The following BMX variants were observed in gnomAD, a reference collection of about 807,000 sequenced individuals.
BMX encodes BMX non-receptor tyrosine kinase, also known as cytoplasmic tyrosine-protein kinase BMX.
A neutral mutation model predicts 59.2 loss-of-function variants in BMX; 31 were observed. The ratio of observed to expected loss-of-function variants is 0.52; its 90% CI spans 0.39 to 0.71. The LOEUF is 0.71. BMX is among the 30% of genes least tolerant of loss of function. BMX has a pLI of 0.00. For missense variants in BMX, 474 were observed against 491.7 expected (o/e 0.96, Z 0.34); for synonymous variants, 185 against 181.0 (o/e 1.02, Z -0.18).
At chrX:15,521,572 T>C (rs928640808) in intron 6 of BMX, among the ~76,000 whole-genome samples, 53 of 111,748 alleles carry the variant, frequency 4.7e-4, no homozygotes, top group Non-Finnish European at 6.2e-4. Context: ...TTAGGGAAGA[T>C]TCTGTTTCCT....
intron 16 of BMX, among the ~76,000 whole-genome samples, chrX:15,544,859 T>C (rs1289602464): frequency 9.0e-6 from 1 of 111,366 alleles, no homozygotes; most frequent in Non-Finnish European, 1.9e-5. Context: ...TTTATTAATA[T>C]TATTGTTAAT....
chrX:15,518,838 C>T (rs769451448), intron 6 of BMX, among the ~76,000 whole-genome samples: 20 of 111,444 alleles, frequency 1.8e-4, no homozygotes, highest in African/African-American at 5.5e-4. Context: ...TCATGGGAGA[C>T]TTTTAGGAAT....
At chrX:15,549,429 G>A (rs966277500) in intron 17 of BMX, among the ~76,000 whole-genome samples, 7 of 112,024 alleles carry the variant, frequency 6.2e-5, no homozygotes, top group South Asian at 3.7e-4. Flanking sequence ...GCCGAGAGAC[G>A]GAATGGGTGA....
chrX:15,552,329 A>G (rs1926237495), intron 18 of BMX, among the ~76,000 whole-genome samples: 1 of 111,961 alleles, frequency 8.9e-6, no homozygotes, highest in Admixed American at 9.5e-5. Context: ...ATAGCCAGCC[A>G]GGGTCACCCT....
intron 17 of BMX, among the ~76,000 whole-genome samples, chrX:15,549,636 G>A (rs189680656): frequency 2.7e-5 from 3 of 111,859 alleles, no homozygotes; most frequent in African/African-American, 9.7e-5. Context: ...GGGAACATGG[G>A]GAAGAAACCC....
chrX:15,532,434 G>A (rs1193105841), intron 11 of BMX, among the ~76,000 whole-genome samples: 2 of 111,712 alleles, frequency 1.8e-5, no homozygotes, highest in Non-Finnish European at 3.8e-5. Flanking sequence ...CCTACCTGGA[G>A]CTACTAAGTG....
rs914976375 is a variant in BMX, at chrX:15,509,496, C to T, written c.243+63C>T. 17 of 686,616 alleles carry T rather than the reference C, an allele frequency of 2.5e-5. No homozygotes were observed. In the Admixed American group the frequency reaches 5.9e-4, roughly 24 times the overall value. 56.6% of individuals were successfully genotyped at this position (686,616 alleles called of 1,213,427 possible). A position where few individuals can be genotyped will look rare whatever the true frequency, so the allele number is the denominator to read the frequency against. ...CTTCCTTCAATTTTTCTATCGTGAA[C>T]TCAATATATCTAGGAAAAATAATGA... On this transcript the variant is annotated intron_variant, in intron 3 of 18. Transcript: ENST00000348343.
intron 9 of BMX, among the ~76,000 whole-genome samples, chrX:15,527,245 C>T (rs867966511): frequency 3.8e-3 from 48 of 12,759 alleles, no homozygotes; most frequent in African/African-American, 0.015. Context: ...CACACACACA[C>T]AAATATATAT....
chrX:15,544,437 T>C (rs1371474288), intron 16 of BMX, among the ~76,000 whole-genome samples: 1 of 111,488 alleles, frequency 9.0e-6, no homozygotes, highest in African/African-American at 3.3e-5. Context: ...TGACAGGTTC[T>C]TAAAGCAGGG....
intron 4 of BMX, among the ~76,000 whole-genome samples, chrX:15,515,693 G>T (rs2147108398): frequency 9.0e-6 from 1 of 111,392 alleles, no homozygotes; most frequent in East Asian, 2.8e-4. Context: ...AAAAGTAGAT[G>T]GAAGTGTATG....
intron 6 of BMX, among the ~76,000 whole-genome samples, chrX:15,519,319 C>T (rs1269087156): frequency 1.8e-5 from 2 of 112,282 alleles, no homozygotes; most frequent in Middle Eastern, 4.2e-3. Context: ...CATGAATCAA[C>T]ATGAAAGACA....
chrX:15,553,983 T>C (rs936413952), intron 18 of BMX, among the ~76,000 whole-genome samples: 1 of 112,507 alleles, frequency 8.9e-6, no homozygotes, highest in Non-Finnish European at 1.9e-5. Flanking sequence ...TTGCACCTAA[T>C]GAGCAGAGCT....
At chrX:15,554,629 C>T (rs1212985013) in intron 18 of BMX, among the ~76,000 whole-genome samples, 2 of 110,923 alleles carry the variant, frequency 1.8e-5, no homozygotes, top group Non-Finnish European at 3.8e-5. Context: ...TTCTCATGCC[C>T]AAATTATAAT....
chrX:15,505,245 G>C (rs753814600), intron 1 of BMX, among the ~76,000 whole-genome samples: 1 of 112,283 alleles, frequency 8.9e-6, no homozygotes, highest in Non-Finnish European at 1.9e-5. Flanking sequence ...AGAAAGGCAA[G>C]CCCAAGCCTG....
intron 14 of BMX, among the ~76,000 whole-genome samples, chrX:15,537,535 T>C (rs908345386): frequency 8.9e-6 from 1 of 111,941 alleles, no homozygotes. Flanking sequence ...CATATTCAAA[T>C]TGAGAATTCC....
intron 8 of BMX, 85 bp downstream of exon 8, chrX:15,525,450 T>C (rs1924668937): frequency 1.0e-6 from 1 of 954,324 alleles, no homozygotes; most frequent in Admixed American, 2.4e-5. Context: ...ATTTTGCAGC[T>C]AGGCTTTCTA....
chrX:15,510,005 C>A (rs1205114698), intron 3 of BMX, among the ~76,000 whole-genome samples: 1 of 111,524 alleles, frequency 9.0e-6, no homozygotes, highest in Non-Finnish European at 1.9e-5. Flanking sequence ...AAGGAAGCAG[C>A]AGGTGTCAAG....
Position 15,522,358 on chromosome X carries a change from C to T in BMX, c.523C>T (p.Arg175Trp), listed in dbSNP as rs1924501372. 1 of 1,211,331 alleles carries T rather than the reference C, an allele frequency of 8.3e-7. No homozygotes were observed. The highest frequency in any genetic ancestry group is 1.1e-6 in the Non-Finnish European group (1 of 895,282). The change falls in exon 7 of 19, where the codon CGG (arginine) becomes TGG (tryptophan). Residue 175 changes from arginine to tryptophan, a missense_variant. Arg to Trp is a moderately radical substitution (Grantham distance 101). Coordinates refer to ENST00000348343, the MANE Select transcript of BMX (RefSeq NM_203281.3). ...TTCCCCTCCAAAGCTGAAGATACCT[C>T]GGGCAGTTCCTGTTCTCAAAATGGA... ...TFPDRVLKIP[R>W]AVPVLKMDAP...
chrX:15,548,128 T>C (rs1314521695), intron 17 of BMX, among the ~76,000 whole-genome samples: 1 of 112,103 alleles, frequency 8.9e-6, no homozygotes, highest in Non-Finnish European at 1.9e-5. Flanking sequence ...CTTGATGCCA[T>C]GTTGTACTGA....
Sources: gnomAD v4.1 joint callset for allele counts (sites outside exome capture counted in the v4.1 genomes callset) on GRCh38, gnomAD v4.1.1 for gene constraint, MANE v1.5 for transcripts, NCBI Gene and HGNC (gene_info 2026-07-23, HGNC 2026-07-21) for gene names.